Variants in CSMD3 observed in about 807,000 individuals in gnomAD.
The protein encoded by CSMD3 is CUB and Sushi multiple domains 3.
In CSMD3, 177 loss-of-function variants were observed where a neutral mutation model predicts 435.2. The ratio of observed to expected loss-of-function variants is 0.41; its 90% CI spans 0.36 to 0.46. CSMD3 has a LOEUF of 0.46. Among genes scored for constraint, CSMD3 ranks in the 20% least tolerant of loss-of-function variants. CSMD3 has a pLI of 0.34. For missense variants in CSMD3, 4,265 were observed against 4,504.6 expected, an observed-to-expected ratio of 0.95 and a Z score of 1.52; for synonymous variants, 1,656 against 1,520.5, an observed-to-expected ratio of 1.09 and a Z score of -2.07.
intron 32 of CSMD3, among the ~76,000 whole-genome samples, chr8:112,439,290 AC>A (rs1814718243): frequency 1.3e-5 from 2 of 152,120 alleles, no homozygotes; most frequent in East Asian, 3.9e-4. Context: ...ACAGGTGCCC[AC>A]CACCATGCCT....
chr8:112,535,775 T>G (rs1370481076), intron 27 of CSMD3, among the ~76,000 whole-genome samples: 2 of 152,080 alleles, frequency 1.3e-5, no homozygotes, highest in Non-Finnish European at 2.9e-5. Flanking sequence ...CAAACTATAC[T>G]ACAAGGCTAC....
At position 112,947,810 on chromosome 8, in the gene CSMD3, CT is replaced by C; in HGVS notation, c.1487del (p.Lys496ArgfsTer34). ...ATTACCTAAAATCTGATCCGATTCT[CT>C]TCCCATTTTCTGGTTCTCCTGGATC... ...CPDPGEPENG[K>X]RIGSDFSLGS... On this transcript the variant is annotated frameshift_variant, in exon 9 of 71. Transcript: ENST00000297405. LOFTEE classifies it high-confidence loss of function. 1 of 1,456,340 alleles carries C rather than the reference CT, an allele frequency of 6.9e-7. No individual in the cohort carries two copies. The highest frequency in any genetic ancestry group is 9.6e-7 in the Non-Finnish European group (1 of 1,038,350). 90.2% of individuals were successfully genotyped at this position (1,456,340 alleles called of 1,614,324 possible). A position where few individuals can be genotyped will look rare whatever the true frequency, so the allele number is the denominator to read the frequency against.
At chr8:112,725,155 T>A (rs1237233655) in intron 13 of CSMD3, among the ~76,000 whole-genome samples, 1 of 151,856 alleles carries the variant, frequency 6.6e-6, no homozygotes, top group Non-Finnish European at 1.5e-5. Flanking sequence ...TCAAAACAAC[T>A]TTTTTTAACA....
At chr8:112,286,873 T>G (rs1046138274) in intron 58 of CSMD3, among the ~76,000 whole-genome samples, 191 bp downstream of exon 58, 3 of 151,992 alleles carry the variant, frequency 2.0e-5, no homozygotes, top group Admixed American at 2.0e-4. Flanking sequence ...CCAATGAGGG[T>G]TTTTTAAAAA....
chr8:113,035,196 A>G (rs896519582), intron 5 of CSMD3, among the ~76,000 whole-genome samples: 27 of 152,050 alleles, frequency 1.8e-4, no homozygotes, highest in Admixed American at 1.6e-3. Flanking sequence ...AAAATCAATA[A>G]AATCAATAAA....
At position 112,372,972 on chromosome 8, in the gene CSMD3, T is replaced by A. The variant is rs28580284; in HGVS notation, c.6136+7380A>T. On this transcript the variant is annotated intron_variant, in intron 38 of 70. Coordinates refer to ENST00000297405, the MANE Select transcript of CSMD3 (RefSeq NM_198123.2). The stretch of plus-strand genomic sequence containing the variant: ...GTAGTAACTCTGCCAGCAGAAAAAA[T>A]ATATATATATATATTTATATTTTAT... Among the ~76,000 whole-genome samples the A allele has an allele frequency of 1.9e-3, 108 of 58,042 alleles. 2 individuals carry two copies. Among genetic ancestry groups the A allele is most frequent in the South Asian group, 5.0e-3 (8 of 1,590 alleles). The allele number at this position is 58,042 out of a possible 152,430, so 38.1% of individuals were successfully genotyped here.
At chr8:113,331,894 C>T (rs547347362) in intron 1 of CSMD3, among the ~76,000 whole-genome samples, 8 of 151,764 alleles carry the variant, frequency 5.3e-5, no homozygotes, top group African/African-American at 1.7e-4. Flanking sequence ...ATTCTTGCCA[C>T]TTGTATTTAA....
intron 36 of CSMD3, among the ~76,000 whole-genome samples, chr8:112,389,088 A>G (rs192916636): frequency 2.6e-5 from 4 of 152,326 alleles, no homozygotes; most frequent in African/African-American, 9.6e-5. Context: ...AGAAAGATGA[A>G]CCACACAATG....
chr8:113,260,147 TA>T (rs1274480366), intron 3 of CSMD3, among the ~76,000 whole-genome samples: 2 of 152,166 alleles, frequency 1.3e-5, no homozygotes, highest in East Asian at 3.8e-4. Context: ...CTCTTTCCTT[TA>T]TAAGTTACCC....
intron 4 of CSMD3, among the ~76,000 whole-genome samples, chr8:113,163,880 A>G (rs1275135539): frequency 6.6e-6 from 1 of 152,024 alleles, no homozygotes; most frequent in Non-Finnish European, 1.5e-5. Context: ...CAGTAAAAAG[A>G]GGTAATACAA....
At chr8:113,127,112 A>G in intron 4 of CSMD3, among the ~76,000 whole-genome samples, 1 of 152,012 alleles carries the variant, frequency 6.6e-6, no homozygotes, top group Non-Finnish European at 1.5e-5. Context: ...GAACTCTTTG[A>G]GGGCAGAGCT....
intron 32 of CSMD3, among the ~76,000 whole-genome samples, chr8:112,421,736 T>C (rs1812533042): frequency 6.7e-6 from 1 of 149,028 alleles, no homozygotes; most frequent in Non-Finnish European, 1.5e-5. Context: ...AAATTTCCAA[T>C]GAAAGTGAGA....
Position 112,237,194 on chromosome 8 carries a change from A to T in CSMD3, c.10623T>A (p.Leu3541=). The T allele has an allele frequency of 6.2e-7, 1 of 1,613,524 alleles. No homozygotes were observed. The change falls in exon 67 of 71, where the codon CTT becomes CTA. Residue 3541 remains leucine, a synonymous_variant. Coordinates refer to ENST00000297405, the MANE Select transcript of CSMD3 (RefSeq NM_198123.2). ...CTGCTGTTTTTATTGCGATACCTGA[A>T]AGTAGCAGCTCCATGTTGCTATTGC... The part of the protein sequence containing the change: ...TLSNSNMELL[L]SGVYKSQEAR...
At chr8:112,294,545 G>A (rs901451782) in intron 54 of CSMD3, among the ~76,000 whole-genome samples, 2 of 152,054 alleles carry the variant, frequency 1.3e-5, no homozygotes, top group Admixed American at 1.3e-4. Context: ...CGGGGATTCT[G>A]AGATGTACTA....
At chr8:112,747,151 C>T (rs937940684) in intron 13 of CSMD3, among the ~76,000 whole-genome samples, 19 of 106,536 alleles carry the variant, frequency 1.8e-4, no homozygotes, top group African/African-American at 6.9e-4. Flanking sequence ...TATTTCACAT[C>T]CATCATTATG....
intron 3 of CSMD3, among the ~76,000 whole-genome samples, chr8:113,233,821 T>C (rs1479441782): frequency 6.6e-6 from 1 of 152,120 alleles, no homozygotes; most frequent in African/African-American, 2.4e-5. Flanking sequence ...TTTACTCTAC[T>C]TTTAGGCTGT....
At chr8:112,645,593 T>C (rs980437917) in intron 19 of CSMD3, among the ~76,000 whole-genome samples, 6 of 152,188 alleles carry the variant, frequency 3.9e-5, no homozygotes, top group Non-Finnish European at 8.8e-5. Context: ...CTGTTTGATA[T>C]AGATTCCTAA....
intron 1 of CSMD3, among the ~76,000 whole-genome samples, chr8:113,353,679 T>G (rs2094203933): frequency 2.0e-5 from 3 of 152,186 alleles, no homozygotes; most frequent in Admixed American, 2.0e-4. Context: ...TGACCTTTTA[T>G]GAGTCCTGTT....
chr8:112,895,898 CAGA>C (rs972095349), intron 10 of CSMD3, among the ~76,000 whole-genome samples: 52 of 151,444 alleles, frequency 3.4e-4, no homozygotes, highest in Non-Finnish European at 2.4e-4. Flanking sequence ...TAAGAAAAAG[CAGA>C]AGAAGAAAAA....
Sources: gnomAD v4.1 joint callset for allele counts (sites outside exome capture counted in the v4.1 genomes callset) on GRCh38, gnomAD v4.1.1 for gene constraint, MANE v1.5 for transcripts, NCBI Gene and HGNC (gene_info 2026-07-23, HGNC 2026-07-21) for gene names.